ACACA: variants seen among roughly 807,000 people sequenced by gnomAD.
ACACA encodes acetyl-CoA carboxylase alpha.
A neutral mutation model predicts 296.1 loss-of-function variants in ACACA; 103 were observed. The ratio of observed to expected loss-of-function variants is 0.35; its 90% confidence interval spans 0.30 to 0.41. The LOEUF (loss-of-function observed/expected upper bound fraction) is 0.41, where lower values mean the gene tolerates loss of function less well. Among genes scored for constraint, ACACA ranks in the 10% least tolerant of loss-of-function variants. ACACA has a pLI of 1.00. For missense variants in ACACA, 1,554 were observed against 2,989.7 expected (o/e 0.52, Z 11.20); for synonymous variants, 953 against 1,038.6 (o/e 0.92, Z 1.58).
In ACACA at chr17:37,188,623, G is replaced by A; in HGVS notation, c.4573-143C>T. ...ATGCACACCTTACAAAAAGTGGTCA[G>A]ATAGTTTCTCCCCAAACTATTCTTT... On this transcript the variant is annotated intron_variant, in intron 38 of 55. Transcript: ENST00000616317. 6.1e-6 allele frequency: 5 copies of A among 821,664 alleles called. No homozygotes were observed. In the East Asian group the frequency reaches 1.3e-4, roughly 21 times the overall value. The allele number at this position is 821,664 out of a possible 1,614,324, so 50.9% of individuals were successfully genotyped here.
chr17:37,343,988 A>G (rs762297123), intron 1 of ACACA, among the ~76,000 whole-genome samples: 27 of 152,032 alleles, frequency 1.8e-4, no homozygotes, highest in Non-Finnish European at 3.5e-4. Flanking sequence ...TCAAAGATAA[A>G]TAAGATTTGT....
intron 1 of ACACA, among the ~76,000 whole-genome samples, chr17:37,384,673 C>T (rs2050450431): frequency 6.6e-6 from 1 of 151,976 alleles, no homozygotes; most frequent in Non-Finnish European, 1.5e-5. Flanking sequence ...AACTGACTAG[C>T]ACTATGATGA....
intron 24 of ACACA, among the ~76,000 whole-genome samples, chr17:37,236,826 A>G (rs2080134468): frequency 1.3e-5 from 2 of 152,354 alleles, no homozygotes; most frequent in South Asian, 4.1e-4. Flanking sequence ...CTTCATCTCA[A>G]CAAAAAAAGA....
At position 37,248,614 on chromosome 17, in the gene ACACA, C is replaced by A; in HGVS notation, c.2142G>T (p.Glu714Asp). The A allele has an allele frequency of 6.2e-7, 1 of 1,610,310 alleles. No individual in the cohort carries two copies. The highest frequency in any genetic ancestry group is 1.1e-5 in the South Asian group (1 of 90,802). The stretch of plus-strand genomic sequence containing the variant: ...ATACCTTAAGTACATACTTGACTCC[C>A]TCATAGATAAGTTCAACATCTACTG... ...LNTVDVELIY[E>D]GVKYVLKVTR... The change falls in exon 17 of 56, where the codon GAG (glutamate) becomes GAT (aspartate). Residue 714 changes from glutamate to aspartate, a missense_variant. Physicochemically the swap from Glu to Asp is conservative, Grantham distance 45. This residue lies in a region of ACACA where 316 missense variants were observed against 540.9 expected (regional missense o/e 0.58). Transcript: ENST00000616317.
At chr17:37,374,389 C>T (rs1349288100) in intron 1 of ACACA, among the ~76,000 whole-genome samples, 5 of 151,426 alleles carry the variant, frequency 3.3e-5, no homozygotes, top group African/African-American at 9.7e-5. Flanking sequence ...CAGGTTCAAG[C>T]GATTCTCCTA....
rs1170349765 is a variant in ACACA at position 37,207,789 on chromosome 17, G to T, written c.3719C>A (p.Ser1240Tyr). The T allele has an allele frequency of 2.5e-6, 4 of 1,613,834 alleles. No homozygotes were observed. Among genetic ancestry groups the T allele is most frequent in the Non-Finnish European group, 3.4e-6 (4 of 1,179,850 alleles). ...CATGCCATAGTGGTTGAGGTTGGAG[G>T]AGAAGGACATTCTAAATGGTAATTC... ...NIPTLNRMSF[S>Y]SNLNHYGMTH... The change falls in exon 31 of 56, where the codon TCC becomes TAC. Residue 1240 changes from serine to tyrosine, a missense_variant. Transcript: ENST00000616317.
intron 43 of ACACA, among the ~76,000 whole-genome samples, chr17:37,152,433 A>G (rs2144176104): frequency 6.6e-6 from 1 of 152,312 alleles, no homozygotes; most frequent in Non-Finnish European, 1.5e-5. Flanking sequence ...TCAAGTCAAA[A>G]ATCCTCTTCT....
intron 40 of ACACA, among the ~76,000 whole-genome samples, chr17:37,180,999 C>A (rs1330773285): frequency 1.3e-5 from 2 of 152,142 alleles, no homozygotes; most frequent in Non-Finnish European, 2.9e-5. Context: ...CTATTCTCAC[C>A]ATTCCTCTCA....
chr17:37,110,483 T>C (rs1365073537), intron 52 of ACACA, among the ~76,000 whole-genome samples: 3 of 152,206 alleles, frequency 2.0e-5, no homozygotes, highest in Non-Finnish European at 2.9e-5. Context: ...GTTAGAGTTA[T>C]TGGTGGCTGT....
intron 29 of ACACA, among the ~76,000 whole-genome samples, chr17:37,220,959 A>G (rs2079258811): frequency 6.6e-6 from 1 of 152,240 alleles, no homozygotes; most frequent in African/African-American, 2.4e-5. Context: ...TGTGGTATTT[A>G]TATTTCCTGT....
At position 37,209,075 on chromosome 17, in the gene ACACA, C is replaced by A. The variant is rs779196407; in HGVS notation, c.3708-1275G>T. Among the ~76,000 whole-genome samples, 3 of 152,170 alleles carry A rather than the reference C, an allele frequency of 2.0e-5. No individual in the cohort carries two copies. The South Asian group carries it at 6.2e-4, about 31-fold the overall frequency. On this transcript the variant is annotated intron_variant, in intron 30 of 55. Transcript: ENST00000616317. ...ACACTCCAGGTTTTTATTCCTTTGG[C>A]GAGTGATGACTATGGAAAAGGTACA...
intron 24 of ACACA, among the ~76,000 whole-genome samples, chr17:37,239,960 A>G (rs758325020): frequency 9.2e-5 from 14 of 152,234 alleles, no homozygotes; most frequent in Non-Finnish European, 1.8e-4. Context: ...AGCCAAGGTT[A>G]TTTCACACTT....
chr17:37,145,263 G>C (rs1450059793), intron 45 of ACACA, among the ~76,000 whole-genome samples: 2 of 152,184 alleles, frequency 1.3e-5, no homozygotes, highest in Admixed American at 1.3e-4. Flanking sequence ...AATCATCTCA[G>C]CTCCTTAAGG....
chr17:37,303,322 G>A (rs1161977624), intron 3 of ACACA, among the ~76,000 whole-genome samples: 2 of 152,138 alleles, frequency 1.3e-5, no homozygotes, highest in African/African-American at 4.8e-5. Flanking sequence ...GCATATATCA[G>A]TACTTCATTT....
At chr17:37,198,994 C>T (rs1347835932) in intron 35 of ACACA, among the ~76,000 whole-genome samples, 2 of 152,154 alleles carry the variant, frequency 1.3e-5, no homozygotes, top group Non-Finnish European at 2.9e-5. Context: ...AATCTCAGCA[C>T]TTTGGGAGGC....
chr17:37,312,104 G>A (rs781270578), intron 3 of ACACA, among the ~76,000 whole-genome samples: 1 of 151,972 alleles, frequency 6.6e-6, no homozygotes, highest in African/African-American at 2.4e-5. Flanking sequence ...AAAAAAAGGA[G>A]TGATGACCTC....
At chr17:37,222,671 G>C (rs2079353528) in intron 28 of ACACA, among the ~76,000 whole-genome samples, 1 of 152,086 alleles carries the variant, frequency 6.6e-6, no homozygotes, top group Admixed American at 6.5e-5. Flanking sequence ...TAAAACTTTT[G>C]GCATTTACTG....
chr17:37,172,676 T>A (rs1447367524), intron 41 of ACACA, among the ~76,000 whole-genome samples: 2 of 152,178 alleles, frequency 1.3e-5, no homozygotes, highest in African/African-American at 4.8e-5. Flanking sequence ...AAAGCCTTGA[T>A]GAAAAATAAG....
chr17:37,118,856 C>A (rs2074383361), intron 50 of ACACA, among the ~76,000 whole-genome samples: 1 of 152,086 alleles, frequency 6.6e-6, no homozygotes, highest in South Asian at 2.1e-4. Context: ...CTCAATGAAT[C>A]TTAATTGTTG....
Sources: gnomAD v4.1 joint callset for allele counts (sites outside exome capture counted in the v4.1 genomes callset) on GRCh38, gnomAD v4.1.1 for gene constraint, gnomAD v4.1.1 regional missense constraint, MANE v1.5 for transcripts, NCBI Gene and HGNC (gene_info 2026-07-23, HGNC 2026-07-21) for gene names.